FBXL2: variants seen among roughly 807,000 people sequenced by gnomAD.
The protein encoded by FBXL2 is F-box/LRR-repeat protein 2.
Under a neutral mutation model 69.2 loss-of-function variants are expected in FBXL2, and 38 were observed. The observed-to-expected ratio is 0.55, with a 90% CI of 0.42 to 0.72. The LOEUF is 0.72. Ranked by LOEUF, FBXL2 falls within the 30% of genes least tolerant of loss-of-function variation. FBXL2 has a pLI of 0.00. For missense variants in FBXL2, 354 were observed against 520.3 expected, an observed-to-expected ratio of 0.68 and a Z score of 3.11; for synonymous variants, 192 against 201.3, an observed-to-expected ratio of 0.95 and a Z score of 0.39.
At chr3:33,355,457 A>G (rs1420914918) in intron 2 of FBXL2, among the ~76,000 whole-genome samples, 2 of 152,252 alleles carry the variant, frequency 1.3e-5, no homozygotes, top group Non-Finnish European at 2.9e-5. Context: ...AAAATTTCAG[A>G]AAGTTTTCTT....
chr3:33,307,999 G>T (rs2036866309), intron 2 of FBXL2, among the ~76,000 whole-genome samples: 1 of 152,072 alleles, frequency 6.6e-6, no homozygotes, highest in Non-Finnish European at 1.5e-5. Context: ...CCATTTACAT[G>T]ATCTTAGTAG....
At chr3:33,289,762 C>A in intron 1 of FBXL2, 1 of 983,486 alleles carries the variant, frequency 1.0e-6, no homozygotes, top group Non-Finnish European at 1.2e-6. Flanking sequence ...GATGCTGGGG[C>A]AAGGGAAAGA....
chr3:33,382,216 C>T (rs1026442039), intron 13 of FBXL2, among the ~76,000 whole-genome samples: 4 of 152,126 alleles, frequency 2.6e-5, no homozygotes, highest in Non-Finnish European at 5.9e-5. Flanking sequence ...TATCCACTTT[C>T]GCACTAAAAA....
At chr3:33,396,162 C>A in intron 12 of FBXL2, 1 of 1,572,488 alleles carries the variant, frequency 6.4e-7, no homozygotes, top group Non-Finnish European at 8.7e-7. Context: ...CAATACCTAC[C>A]ATAGGGTGCC....
chr3:33,399,626 G>A (rs2044145389), intron 12 of FBXL2, among the ~76,000 whole-genome samples: 1 of 152,192 alleles, frequency 6.6e-6, no homozygotes, highest in Non-Finnish European at 1.5e-5. Flanking sequence ...ATGTAAAGTG[G>A]TTGCCAAGGA....
chr3:33,324,572 T>C (rs562061146), intron 2 of FBXL2, among the ~76,000 whole-genome samples: 229 of 152,302 alleles, frequency 1.5e-3, no homozygotes, highest in African/African-American at 4.8e-3. Context: ...CCTTTCCCCA[T>C]TGCTTGTTTT....
chr3:33,281,291 G>A (rs189683706), intron 1 of FBXL2, among the ~76,000 whole-genome samples: 8 of 152,000 alleles, frequency 5.3e-5, no homozygotes, highest in Admixed American at 3.3e-4. Flanking sequence ...GAGAACATGC[G>A]GTGTTTGGTT....
intron 2 of FBXL2, among the ~76,000 whole-genome samples, chr3:33,327,390 TA>T (rs540366886): frequency 0.03 from 4,421 of 149,120 alleles, 86 homozygotes; most frequent in Non-Finnish European, 0.043. Context: ...TATTGCTTCT[TA>T]AAAAAAAAAG....
chr3:33,396,037 TC>T lies in FBXL2; in HGVS notation n.1215-7194del. 4 of 790,086 alleles carry T rather than the reference TC, an allele frequency of 5.1e-6. No individual in the cohort carries two copies. The South Asian group carries it at 1.4e-4, about 27-fold the overall frequency. 48.9% of individuals were successfully genotyped at this position (790,086 alleles called of 1,614,324 possible). ...TGCCACCTCTCATTGCTGTCAAGGC[TC>T]CCACATGAGCAACTTGGCATTCCTA... On this transcript the variant is annotated intron_variant and non_coding_transcript_variant, in intron 12 of 12. Coordinates refer to the FBXL2 transcript ENST00000463736.
chr3:33,307,277 C>T (rs554186891), intron 2 of FBXL2, among the ~76,000 whole-genome samples: 31 of 152,190 alleles, frequency 2.0e-4, no homozygotes, highest in African/African-American at 7.0e-4. Context: ...ATTTATAACC[C>T]GAATCTAATC....
chr3:33,340,116 G>A (rs1031746659), intron 2 of FBXL2, among the ~76,000 whole-genome samples: 6 of 152,178 alleles, frequency 3.9e-5, no homozygotes, highest in African/African-American at 1.4e-4. Context: ...ACTTCTGGGA[G>A]GGGATGTATT....
rs763039208 is a variant in FBXL2 at position 33,373,243 on chromosome 3, C to G, written c.360-17C>G. 6.2e-7 allele frequency: 1 copy of G among 1,613,020 alleles called. No individual in the cohort carries two copies. Among genetic ancestry groups the G allele is most frequent in the Non-Finnish European group, 8.5e-7 (1 of 1,179,040 alleles). ...AACGTGGTTGAAAATATCTTTAGTGCGTCTGCTCTTTTTCAGCACGTGTTA... is the reference window on the plus strand; with the variant it reads ...AACGTGGTTGAAAATATCTTTAGTGGGTCTGCTCTTTTTCAGCACGTGTTA... On this transcript the variant is annotated splice_polypyrimidine_tract_variant and intron_variant, in intron 6 of 14. Transcript: ENST00000484457.
chr3:33,313,615 G>GTTTTTTTTTTTTT (rs766273521), intron 2 of FBXL2, among the ~76,000 whole-genome samples: 1 of 148,306 alleles, frequency 6.7e-6, no homozygotes, highest in African/African-American at 2.5e-5. Flanking sequence ...TCAGATAATT[G>GTTTTTTTTTTTTT]TTTTATTTTT....
intron 5 of FBXL2, among the ~76,000 whole-genome samples, chr3:33,366,490 G>T (rs564884328): frequency 5.9e-5 from 9 of 152,052 alleles, no homozygotes; most frequent in African/African-American, 1.9e-4. Flanking sequence ...AACACAGCAA[G>T]ACCCCATCTC....
intron 2 of FBXL2, among the ~76,000 whole-genome samples, chr3:33,332,712 A>G (rs888085642): frequency 3.9e-5 from 6 of 152,206 alleles, no homozygotes; most frequent in East Asian, 1.9e-4. Flanking sequence ...TATTGCTCCT[A>G]TGCTACAAAT....
chr3:33,413,671 T>C, the FBXL2 span, among the ~76,000 whole-genome samples: 1 of 152,134 alleles, frequency 6.6e-6, no homozygotes, highest in Non-Finnish European at 1.5e-5. Context: ...CTCATGCCTG[T>C]AATCCCAGCA....
intron 5 of FBXL2, among the ~76,000 whole-genome samples, chr3:33,365,664 G>A (rs561117324): frequency 2.6e-5 from 4 of 152,206 alleles, no homozygotes; most frequent in South Asian, 4.1e-4. Flanking sequence ...GAGGTGGAAC[G>A]ATCCCTTGAA....
chr3:33,399,547 T>C (rs2044142573), intron 12 of FBXL2, among the ~76,000 whole-genome samples: 1 of 152,096 alleles, frequency 6.6e-6, no homozygotes, highest in Non-Finnish European at 1.5e-5. Flanking sequence ...AAAAAGCCAA[T>C]CTCAAAAGGC....
Position 33,378,111 on chromosome 3 carries a change from C to T in FBXL2, c.858C>T (p.His286=), listed in dbSNP as rs149945780. Residue 286 remains histidine, a synonymous_variant, in exon 12 of 15, where the codon CAC becomes CAT. Coordinates refer to ENST00000484457, the MANE Select transcript of FBXL2 (RefSeq NM_012157.5). Reference sequence around the variant, plus strand: ...CTTGTGGACTCTTCCAGAATTGCCACGAATTGGAGAAGATGGATCTTGAAG... The same window carrying T: ...CTTGTGGACTCTTCCAGAATTGCCATGAATTGGAGAAGATGGATCTTGAAG... ...AGFTLLARNC[H]ELEKMDLEEC... is the part of the protein sequence containing the mutation. 2.2e-5 allele frequency: 36 copies of T among 1,614,046 alleles called. No homozygotes were observed. The African/African-American group carries it at 2.4e-4, about 11-fold the overall frequency.
Sources: gnomAD v4.1 joint callset for allele counts (sites outside exome capture counted in the v4.1 genomes callset) on GRCh38, gnomAD v4.1.1 for gene constraint, MANE v1.5 for transcripts, NCBI Gene and HGNC (gene_info 2026-07-23, HGNC 2026-07-21) for gene names.